Variants in CELSR1 observed in about 807,000 individuals in gnomAD.
The protein encoded by CELSR1 is cadherin EGF LAG seven-pass G-type receptor 1.
In CELSR1, 110 loss-of-function variants were observed where a neutral mutation model predicts 249.1. The ratio of observed to expected loss-of-function variants is 0.44; its 90% CI spans 0.38 to 0.52. The LOEUF (loss-of-function observed/expected upper bound fraction) is 0.52, where lower values mean the gene tolerates loss of function less well. Among genes scored for constraint, CELSR1 ranks in the 20% least tolerant of loss-of-function variants. The probability of loss-of-function intolerance (pLI) is 0.00; values close to 1 mark genes in which losing one functional copy is unlikely to be tolerated. For synonymous variants in CELSR1, 2,113 were observed against 1,900.0 expected (o/e 1.11, Z -2.92); for missense variants, 4,109 against 4,296.4 (o/e 0.96, Z 1.22).
chr22:46,419,753 A>T (rs530422245), intron 5 of CELSR1, among the ~76,000 whole-genome samples: 1 of 140,996 alleles, frequency 7.1e-6, no homozygotes, highest in Non-Finnish European at 1.6e-5. Flanking sequence ...TGCATACTCA[A>T]ACCCACACGT....
intron 2 of CELSR1, among the ~76,000 whole-genome samples, chr22:46,443,520 CAG>C (rs2079779691): frequency 6.6e-6 from 1 of 152,264 alleles, no homozygotes; most frequent in Non-Finnish European, 1.5e-5. Flanking sequence ...CAGCCCACCA[CAG>C]ATGCTGCACC....
Position 46,384,654 on chromosome 22 carries a change from A to T in CELSR1, c.6772T>A (p.Phe2258Ile). ...AATCGCGGGACCCTGGCTCCCGTAA[A>T]GTTGAACTTGTCAAAGATGTCGACA... ...LAVDIFDKFN[F>I]TGARVPRFDT... The change falls in exon 20 of 35, where the codon TTT becomes ATT. Residue 2258 changes from phenylalanine (F) to isoleucine (I), a missense_variant. Physicochemically the swap from Phe to Ile is conservative, Grantham distance 21. Coordinates refer to ENST00000674500, the MANE Select transcript of CELSR1 (RefSeq NM_001378328.1). 6.2e-7 allele frequency: 1 copy of T among 1,613,476 alleles called. No homozygotes were observed. The highest frequency in any genetic ancestry group is 8.5e-7 in the Non-Finnish European group (1 of 1,179,740).
chr22:46,461,376 G>C (rs188232530), intron 2 of CELSR1, among the ~76,000 whole-genome samples: 1 of 152,326 alleles, frequency 6.6e-6, no homozygotes, highest in East Asian at 1.9e-4. Flanking sequence ...GAAAACCTGA[G>C]AAGCTCAGAA....
At chr22:46,379,696 A>G (rs6008785) in intron 22 of CELSR1, among the ~76,000 whole-genome samples, 41,308 of 152,098 alleles carry the variant, frequency 0.27, 9,232 homozygotes, top group African/African-American at 0.62. Context: ...CCATAGCGCC[A>G]CCCCCAGCAC....
intron 18 of CELSR1, among the ~76,000 whole-genome samples, chr22:46,387,999 T>G (rs1271926159): frequency 1.3e-5 from 2 of 152,018 alleles, no homozygotes; most frequent in African/African-American, 2.4e-5. Flanking sequence ...AGGGTCTGTG[T>G]GAAAGACTGG....
rs1286896242 is a variant in CELSR1, at chr22:46,401,890, C to T, written c.5227-1988G>A. ...TCACCTGAGGTCAGGAGTTTGAGAC[C>T]AGCCTGACCAACAAGGTGAAACCCC... On this transcript the variant is annotated intron_variant, in intron 9 of 34. Coordinates refer to ENST00000674500, the MANE Select transcript of CELSR1 (RefSeq NM_001378328.1). This position sits in a 1 kb window ranked among gnomAD's most constrained non-coding sequence, Gnocchi z 4.7. Among the ~76,000 whole-genome samples the T allele has an allele frequency of 6.6e-6, 1 of 151,982 alleles. No individual in the cohort carries two copies. Among genetic ancestry groups the T allele is most frequent in the African/African-American group, 2.4e-5 (1 of 41,330 alleles).
chr22:46,436,420 T>G lies in CELSR1; in HGVS notation c.4407-131A>C. The G allele has an allele frequency of 3.2e-6, 2 of 630,902 alleles. No individual in the cohort carries two copies. The highest frequency in any genetic ancestry group is 5.7e-6 in the Non-Finnish European group (2 of 351,898). The allele number at this position is 630,902 out of a possible 1,614,324, so 39.1% of individuals were successfully genotyped here. ...ATTCAGGAAAGAATGGTGTCAGGCA[T>G]GCGTCCTTCTCATAGGAGCAGACAG... On this transcript the variant is annotated intron_variant, in intron 3 of 34. Coordinates refer to ENST00000674500, the MANE Select transcript of CELSR1 (RefSeq NM_001378328.1). This position sits in a 1 kb window ranked among gnomAD's most constrained non-coding sequence, Gnocchi z 5.9.
rs2079360527 is a variant in CELSR1, at chr22:46,413,386, A to C, written c.4612-1627T>G. Among the ~76,000 whole-genome samples, 3 of 152,262 alleles carry C rather than the reference A, an allele frequency of 2.0e-5. No individual in the cohort carries two copies. Among genetic ancestry groups the C allele is most frequent in the Middle Eastern group, 6.8e-3 (2 of 294 alleles). ...AGTTGTGCAGTGGGCAGCCTGCACA[A>C]CTGTATGTGGCCACCCCAGCTGAGG... On this transcript the variant is annotated intron_variant, in intron 5 of 34. Transcript: ENST00000674500. The surrounding 1 kb of genome is among the most constrained non-coding windows in gnomAD (Gnocchi z 4.7).
intron 1 of CELSR1, among the ~76,000 whole-genome samples, chr22:46,510,608 A>G (rs1456491912): frequency 6.6e-6 from 1 of 152,212 alleles, no homozygotes; most frequent in Non-Finnish European, 1.5e-5. Flanking sequence ...GCAGCCCCAG[A>G]AAAGTCAGAG....
At chr22:46,514,251 G>T (rs73888538) in intron 1 of CELSR1, among the ~76,000 whole-genome samples, 2,212 of 152,270 alleles carry the variant, frequency 0.015, 18 homozygotes, top group African/African-American at 0.029. Context: ...ATCCCACCCA[G>T]TCCTCGAGAT....
In CELSR1 at chr22:46,384,679, A is replaced by G. The variant is rs762961713; in HGVS notation, c.6747T>C (p.Ala2249=). The G allele has an allele frequency of 1.9e-6, 3 of 1,612,650 alleles. No individual in the cohort carries two copies. Among genetic ancestry groups the G allele is most frequent in the Non-Finnish European group, 2.5e-6 (3 of 1,179,416 alleles). Residue 2249 remains alanine (A), a synonymous_variant, in exon 20 of 35, where the codon GCT becomes GCC. Transcript: ENST00000674500. ...FVIVTANMIL[A]VDIFDKFNFT... is the part of the protein sequence containing the mutation. ...AGTTGAACTTGTCAAAGATGTCGAC[A>G]GCAAGAACTGGGGGGACAGTTCCTT...
In CELSR1 at chr22:46,536,054, G is replaced by A; in HGVS notation, c.1117C>T (p.Leu373=). 6.2e-7 allele frequency: 1 copy of A among 1,610,692 alleles called. No individual in the cohort carries two copies. Among genetic ancestry groups the A allele is most frequent in the Non-Finnish European group, 8.5e-7 (1 of 1,179,906 alleles). Residue 373 remains leucine (L), a synonymous_variant, in exon 1 of 35, where the codon CTG becomes TTG. Coordinates refer to ENST00000674500, the MANE Select transcript of CELSR1 (RefSeq NM_001378328.1). ...TCGCGGTCGCTGGCGCGGATGGTCA[G>A]CACCTCGTAGCCCACCTCCAGGTTC... ...RENLEVGYEV[L]TIRASDRDSP... is the part of the protein sequence containing the mutation.
intron 5 of CELSR1, among the ~76,000 whole-genome samples, chr22:46,426,694 T>C (rs1286928461): frequency 6.6e-6 from 1 of 152,100 alleles, no homozygotes; most frequent in African/African-American, 2.4e-5. Context: ...TTTCAAGAGA[T>C]GGGCCCTTTA....
At chr22:46,364,775 G>T (rs1177640180) in intron 32 of CELSR1, 39 bp from the exon 33 acceptor site, 2 of 1,571,714 alleles carry the variant, frequency 1.3e-6, no homozygotes, top group African/African-American at 1.3e-5. Context: ...CAGCGGCACT[G>T]CCACTCGAGC....
rs1315865126 is a variant in CELSR1, at chr22:46,374,377, T to C, written c.7585-1320A>G. Among the ~76,000 whole-genome samples the C allele has an allele frequency of 2.0e-5, 3 of 152,190 alleles. No individual in the cohort carries two copies. The highest frequency in any genetic ancestry group is 1.9e-4 in the East Asian group (1 of 5,206). Reference sequence around the variant, plus strand: ...GGGTCGTACCTGCTTCCCTAACCAATGTACCACCTTTTCCAGAAATAGAAC... The same window carrying C: ...GGGTCGTACCTGCTTCCCTAACCAACGTACCACCTTTTCCAGAAATAGAAC... On this transcript the variant is annotated intron_variant, in intron 24 of 34. Coordinates refer to ENST00000674500, the MANE Select transcript of CELSR1 (RefSeq NM_001378328.1). The surrounding 1 kb of genome is among the most constrained non-coding windows in gnomAD (Gnocchi z 4.3).
At chr22:46,456,874 A>G (rs1420659949) in intron 2 of CELSR1, among the ~76,000 whole-genome samples, 1 of 126,150 alleles carries the variant, frequency 7.9e-6, no homozygotes, top group East Asian at 2.7e-4. Flanking sequence ...TCGCAGGGAC[A>G]GTTGGGGACC....
chr22:46,409,737 A>G lies in CELSR1; in HGVS notation c.5059+18T>C. The G allele has an allele frequency of 6.2e-7, 1 of 1,611,280 alleles. No homozygotes were observed. The highest frequency in any genetic ancestry group is 8.5e-7 in the Non-Finnish European group (1 of 1,179,894). On this transcript the variant is annotated intron_variant, in intron 8 of 34. Transcript: ENST00000674500. This position sits in a 1 kb window ranked among gnomAD's most constrained non-coding sequence, Gnocchi z 9.8. The stretch of plus-strand genomic sequence containing the variant: ...CAGGCCGCCGTGACCGGGGGGATGG[A>G]CGACGCCGGCCACTCACCTTGCTCA...
rs939545288 is a variant in CELSR1 at position 46,471,557 on chromosome 22, G to C, written c.3545-7212C>G. On this transcript the variant is annotated intron_variant, in intron 1 of 34. Transcript: ENST00000674500. The surrounding 1 kb of genome is among the most constrained non-coding windows in gnomAD (Gnocchi z 4.9). ...GGAGCATGCCACCATGCCTGGCTGG[G>C]TTTTCTGTTCTTGTTTTTTGTAGAG... Among the ~76,000 whole-genome samples, 5 of 152,072 alleles carry C rather than the reference G, an allele frequency of 3.3e-5. No homozygotes were observed. The highest frequency in any genetic ancestry group is 1.2e-4 in the African/African-American group (5 of 41,422).
chr22:46,398,525 T>C lies in CELSR1; in HGVS notation c.5525A>G (p.Gln1842Arg). 3 of 1,211,850 alleles carry C rather than the reference T, an allele frequency of 2.5e-6. No homozygotes were observed. The highest frequency in any genetic ancestry group is 2.9e-5 in the East Asian group (1 of 34,410). The allele number at this position is 1,211,850 out of a possible 1,614,324, so 75.1% of individuals were successfully genotyped here. A position where few individuals can be genotyped will look rare whatever the true frequency, so the allele number is the denominator to read the frequency against. Residue 1842 changes from glutamine to arginine, a missense_variant and splice_region_variant, in exon 11 of 35, where the codon CAG becomes CGG. Physicochemically the swap from Gln to Arg is conservative, Grantham distance 43. Transcript: ENST00000674500. The surrounding 1 kb of genome is among the most constrained non-coding windows in gnomAD (Gnocchi z 7.2). Reference sequence around the variant, plus strand: ...CCGCCCCCCACAACCCCCACGCACCTGCATGCAGCCTCGGAATCCACGGCG... The same window carrying C: ...CCGCCCCCCACAACCCCCACGCACCCGCATGCAGCCTCGGAATCCACGGCG... ...SVRRGFRGCM[Q>R]GVRMGGTPTN...
Sources: gnomAD v4.1 joint callset for allele counts (sites outside exome capture counted in the v4.1 genomes callset) on GRCh38, gnomAD v4.1.1 for gene constraint, Gnocchi (gnomAD v3.1) non-coding constraint, MANE v1.5 for transcripts, NCBI Gene and HGNC (gene_info 2026-07-23, HGNC 2026-07-21) for gene names.